Variants in FBP2 observed in about 807,000 individuals in gnomAD.
FBP2 encodes fructose-bisphosphatase 2.
Under a neutral mutation model 31.6 loss-of-function variants are expected in FBP2, and 27 were observed. That is an observed-to-expected ratio of 0.85 (90% CI 0.63 to 1.18). FBP2 has a LOEUF of 1.18. FBP2 is among the 50% of genes most tolerant of loss of function. FBP2 has a pLI of 0.00. For synonymous variants in FBP2, 168 were observed against 179.8 expected, an observed-to-expected ratio of 0.93 and a Z score of 0.53; for missense variants, 421 against 436.1, an observed-to-expected ratio of 0.97 and a Z score of 0.31.
At chr9:94,577,916 G>A (rs142820640) in intron 3 of FBP2, 2 of 152,276 alleles carry the variant, frequency 1.3e-5, no homozygotes, top group African/African-American at 4.8e-5. Context: ...TTATAGTTAT[G>A]TTCTGTCGTG....
chr9:94,576,450 G>C (rs886114667), intron 3 of FBP2, among the ~76,000 whole-genome samples: 2 of 152,198 alleles, frequency 1.3e-5, no homozygotes, highest in African/African-American at 2.4e-5. Flanking sequence ...GGCCCATACA[G>C]TGTGCTCTGG....
At chr9:94,581,729 C>G (rs79973396) in intron 3 of FBP2, among the ~76,000 whole-genome samples, 7,737 of 152,276 alleles carry the variant, frequency 0.051, 270 homozygotes, top group Middle Eastern at 0.095. Context: ...ACTGAATGGA[C>G]CTGCCTCTTG....
At chr9:94,579,943 A>G (rs1022925277) in intron 3 of FBP2, among the ~76,000 whole-genome samples, 6 of 152,240 alleles carry the variant, frequency 3.9e-5, no homozygotes, top group African/African-American at 1.4e-4. Context: ...TGATATGTCT[A>G]AATTTGTCAA....
At chr9:94,587,664 CGTT>C (rs34886780) in intron 1 of FBP2, among the ~76,000 whole-genome samples, 195 bp from the exon 2 acceptor site, 55,455 of 151,556 alleles carry the variant, frequency 0.37, 10,877 homozygotes, top group Admixed American at 0.46. Flanking sequence ...ACCTTGGAGT[CGTT>C]GTCATATTTT....
chr9:94,592,117 G>T (rs1268759564), intron 1 of FBP2, among the ~76,000 whole-genome samples: 1 of 152,200 alleles, frequency 6.6e-6, no homozygotes, highest in East Asian at 1.9e-4. Context: ...CCGTCACTCA[G>T]CAGGGCTGTC....
intron 3 of FBP2, among the ~76,000 whole-genome samples, chr9:94,580,087 G>C (rs1827360086): frequency 6.6e-6 from 1 of 152,170 alleles, no homozygotes; most frequent in South Asian, 2.1e-4. Flanking sequence ...TTCTTTCCCT[G>C]TCTGGTAATT....
At chr9:94,587,567 G>C (rs1197823249) in intron 1 of FBP2, 98 bp from the exon 2 acceptor site, 1 of 1,039,514 alleles carries the variant, frequency 9.6e-7, no homozygotes, top group Non-Finnish European at 1.5e-6. Context: ...GTCCCCTCTC[G>C]TTCTGTGTCT....
intron 3 of FBP2, 72 bp downstream of exon 3, chr9:94,584,505 C>T (rs549394566): frequency 8.3e-5 from 83 of 994,786 alleles, no homozygotes; most frequent in Non-Finnish European, 1.3e-4. Context: ...TCCAAACACA[C>T]GGTTTTCAGC....
At chr9:94,559,203 TG>T in intron 6 of FBP2, 71 bp from the exon 7 acceptor site, 1 of 1,410,376 alleles carries the variant, frequency 7.1e-7, no homozygotes, top group Non-Finnish European at 9.8e-7. Flanking sequence ...CCCCTAAAGC[TG>T]GGGGAGGAGT....
intron 4 of FBP2, chr9:94,567,667 C>A: frequency 2.4e-6 from 1 of 417,300 alleles, no homozygotes; most frequent in Non-Finnish European, 4.3e-6. Flanking sequence ...AGTCTTCTTT[C>A]TTTTCCTGTG....
At chr9:94,560,579 C>T (rs1827082581) in intron 6 of FBP2, among the ~76,000 whole-genome samples, 1 of 152,026 alleles carries the variant, frequency 6.6e-6, no homozygotes, top group Admixed American at 6.5e-5. Context: ...AAATGGTTGA[C>T]CCAGCTATGT....
At chr9:94,572,183 C>G (rs1435454767) in intron 3 of FBP2, among the ~76,000 whole-genome samples, 1 of 152,110 alleles carries the variant, frequency 6.6e-6, no homozygotes, top group African/African-American at 2.4e-5. Context: ...TCCTCTGATT[C>G]CTTAAATGTT....
At chr9:94,587,934 C>A (rs976222371) in intron 1 of FBP2, among the ~76,000 whole-genome samples, 3 of 152,168 alleles carry the variant, frequency 2.0e-5, no homozygotes, top group African/African-American at 7.2e-5. Context: ...CTGCAAGCTC[C>A]GCCTCCTGGG....
intron 3 of FBP2, chr9:94,573,187 T>C (rs1827286242): frequency 6.6e-6 from 1 of 152,226 alleles, no homozygotes; most frequent in African/African-American, 2.4e-5. Flanking sequence ...TCTTTCACCA[T>C]TAAATGTAAT....
intron 1 of FBP2, among the ~76,000 whole-genome samples, chr9:94,591,284 G>T (rs1189475978): frequency 6.6e-6 from 1 of 152,236 alleles, no homozygotes; most frequent in Non-Finnish European, 1.5e-5. Flanking sequence ...CCCGAGCCCT[G>T]CCCCGCGGGA....
chr9:94,563,266 A>C, intron 6 of FBP2, 76 bp downstream of exon 6: 1 of 1,533,536 alleles, frequency 6.5e-7, no homozygotes, highest in Non-Finnish European at 8.9e-7. Flanking sequence ...TGCAGTAGCC[A>C]AACAGCAGGT....
rs147845268 is a variant in FBP2, at chr9:94,559,092, A to G, written c.866T>C (p.Ile289Thr). The change falls in exon 7 of 7, where the codon ATT becomes ACT. Residue 289 changes from isoleucine (I) to threonine (T), a missense_variant. Coordinates refer to ENST00000375337, the MANE Select transcript of FBP2 (RefSeq NM_003837.4). ...GGTCGCCAAGCCTCCTGCCTGCTCAATGATGTAGGCCACGGGATTGCATTC... is the reference window on the plus strand; with the variant it reads ...GGTCGCCAAGCCTCCTGCCTGCTCAGTGATGTAGGCCACGGGATTGCATTC... ...LYECNPVAYI[I>T]EQAGGLATTG... 4.9e-5 allele frequency: 79 copies of G among 1,613,818 alleles called. No homozygotes were observed. In the African/African-American group the frequency reaches 9.1e-4, roughly 19 times the overall value.
intron 6 of FBP2, among the ~76,000 whole-genome samples, chr9:94,561,435 T>A (rs981883536): frequency 1.8e-4 from 25 of 138,020 alleles, no homozygotes; most frequent in Non-Finnish European, 3.7e-4. Flanking sequence ...CGATCTCGGC[T>A]CACTGCAAGC....
At position 94,589,316 on chromosome 9, in the gene FBP2, G is replaced by GCT. The variant is rs1467823246; in HGVS notation, c.171-1849_171-1848dup. 5.3e-5 allele frequency among the ~76,000 whole-genome samples: 8 copies of GCT among 152,164 alleles called. 1 individual carries two copies. The highest frequency in any genetic ancestry group is 1.9e-4 in the African/African-American group (8 of 41,432). On this transcript the variant is annotated intron_variant, in intron 1 of 6. Transcript: ENST00000375337. ...CTAATGGTGTTCCCACCACAGCAGT[G>GCT]CTCTCTGCCCGGCTTTCTTCCTGCT...
Sources: allele counts gnomAD v4.1 joint callset (sites outside exome capture counted in the v4.1 genomes callset), GRCh38; gene constraint gnomAD v4.1.1; transcripts MANE v1.5; gene names NCBI Gene and HGNC (gene_info 2026-07-23, HGNC 2026-07-21).